The following PCM1 variants were observed in gnomAD, a reference collection of about 807,000 sequenced individuals.
PCM1 encodes the protein pericentriolar material 1.
In PCM1, 157 loss-of-function variants were observed where a neutral mutation model predicts 241.9. The ratio of observed to expected loss-of-function variants is 0.65; its 90% CI spans 0.57 to 0.74. PCM1 has a LOEUF of 0.74. PCM1 is among the 30% of genes least tolerant of loss of function. The pLI is 0.00. For synonymous variants in PCM1, 1,085 were observed against 784.9 expected (o/e 1.38, Z -6.39); for missense variants, 3,478 against 2,360.1 (o/e 1.47, Z -9.81).
intron 9 of PCM1, among the ~76,000 whole-genome samples, chr8:17,953,935 G>T (rs889633555): frequency 2.6e-5 from 4 of 152,158 alleles, no homozygotes. Flanking sequence ...AAAGATGAGG[G>T]ATTTAAAAAT....
intron 38 of PCM1, among the ~76,000 whole-genome samples, chr8:18,026,959 A>G (rs1315409566): frequency 6.6e-6 from 1 of 152,184 alleles, no homozygotes; most frequent in Non-Finnish European, 1.5e-5. Context: ...AATATCATTC[A>G]TTGTAGAGCC....
At chr8:17,939,082 A>AGGTTACGCACACAGGAATTTTAGTTG in intron 5 of PCM1, 73 bp downstream of exon 5, 5 of 1,486,668 alleles carry the variant, frequency 3.4e-6, no homozygotes, top group Non-Finnish European at 4.6e-6. Context: ...TTAGAAAATT[A>AGGTTACGCACACAGGAATTTTAGTTG]GGTTACGCAC....
intron 26 of PCM1, among the ~76,000 whole-genome samples, chr8:17,988,195 C>A (rs757329631): frequency 8.3e-6 from 1 of 120,642 alleles, no homozygotes; most frequent in Non-Finnish European, 2.0e-5. Flanking sequence ...TCAAGTCTTA[C>A]TTGAAACAGT....
intron 6 of PCM1, 38 bp from the exon 7 acceptor site, chr8:17,947,148 A>G (rs751004802): frequency 1.1e-5 from 15 of 1,357,204 alleles, no homozygotes; most frequent in Non-Finnish European, 1.4e-5. Context: ...CATGGATTTT[A>G]ATAGTCAGAT....
intron 1 of PCM1, among the ~76,000 whole-genome samples, chr8:17,923,992 T>G (rs1417710303): frequency 1.7e-4 from 17 of 99,472 alleles, no homozygotes; most frequent in Admixed American, 1.1e-3. Context: ...GGTTTAATTT[T>G]TTTTGTTTTG....
rs1586975450 is a variant in PCM1 at position 17,963,073 on chromosome 8, T to C, written c.2464-28T>C. 3.3e-6 allele frequency: 5 copies of C among 1,537,112 alleles called. No individual in the cohort carries two copies. In the East Asian group the frequency reaches 1.2e-4, roughly 36 times the overall value. On this transcript the variant is annotated intron_variant, in intron 16 of 38. Coordinates refer to ENST00000325083, the MANE Select transcript of PCM1 (RefSeq NM_006197.4). The stretch of plus-strand genomic sequence containing the variant: ...AGGCTACAGCAAATCCAAATATTTA[T>C]TTAACTCTGGTTTCTTAAAAAAAAT...
chr8:17,931,099 A>G (rs1239190767), intron 2 of PCM1, among the ~76,000 whole-genome samples: 2 of 152,120 alleles, frequency 1.3e-5, no homozygotes, highest in South Asian at 4.1e-4. Context: ...ATTTTGTTTT[A>G]AAAAATACTA....
rs370978091 is a variant in PCM1, at chr8:17,950,759, A to C, written c.1071+35A>C. The C allele has an allele frequency of 2.5e-4, 284 of 1,117,600 alleles. No homozygotes were observed. In the African/African-American group the frequency reaches 4.1e-3, roughly 16 times the overall value. 69.2% of individuals were successfully genotyped at this position (1,117,600 alleles called of 1,614,324 possible). A position where few individuals can be genotyped will look rare whatever the true frequency, so the allele number is the denominator to read the frequency against. ...ATGTTTTAGTATAGTTGAGTTTAAA[A>C]AATCACATTAATTAGAACAGTGATT... On this transcript the variant is annotated intron_variant, in intron 8 of 38. Coordinates refer to ENST00000325083, the MANE Select transcript of PCM1 (RefSeq NM_006197.4).
In PCM1 at chr8:17,963,123, A is replaced by G. The variant is rs1396936299; in HGVS notation, c.2486A>G (p.His829Arg). ...TAGTTGTGGTCAGAAATGAGAAGACATGAAATGTTGAGGGAGGAGCTGCGA... is the reference window on the plus strand; with the variant it reads ...TAGTTGTGGTCAGAAATGAGAAGACGTGAAATGTTGAGGGAGGAGCTGCGA... ...DNELWSEMRR[H>R]EMLREELRQR... Residue 829 changes from histidine to arginine, a missense_variant, in exon 17 of 39, where the codon CAT becomes CGT. Transcript: ENST00000325083. The G allele has an allele frequency of 1.2e-6, 2 of 1,611,468 alleles. No homozygotes were observed. The highest frequency in any genetic ancestry group is 1.7e-5 in the Admixed American group (1 of 59,570).
rs767163034 is a variant in PCM1 at position 18,027,638 on chromosome 8, A to G, written c.6051A>G (p.Glu2017=). 2 of 1,576,134 alleles carry G rather than the reference A, an allele frequency of 1.3e-6. No individual in the cohort carries two copies. Among genetic ancestry groups the G allele is most frequent in the Non-Finnish European group, 1.7e-6 (2 of 1,153,668 alleles). ...AAGCATTTTTATTCTGTTTTTCAGA[A>G]ACGGTGGGAGCCCAGAGTATATGAG... ...AGNSETLKEP[E]TVGAQSI is the part of the protein sequence containing the mutation. Residue 2017 remains glutamate, a splice_region_variant and synonymous_variant, in exon 39 of 39, where the codon GAA becomes GAG. Coordinates refer to ENST00000325083, the MANE Select transcript of PCM1 (RefSeq NM_006197.4).
At chr8:17,995,413 G>T (rs1160070011) in intron 29 of PCM1, among the ~76,000 whole-genome samples, 1 of 151,120 alleles carries the variant, frequency 6.6e-6, no homozygotes, top group East Asian at 1.9e-4. Context: ...GTTCTGTTCT[G>T]TCGGTCTGTG....
At chr8:18,009,464 A>T in intron 30 of PCM1, 83 bp from the exon 31 acceptor site, 1 of 849,572 alleles carries the variant, frequency 1.2e-6, no homozygotes, top group Non-Finnish European at 1.9e-6. Flanking sequence ...CATTAGTTTT[A>T]AGTTTTTCAG....
intron 36 of PCM1, among the ~76,000 whole-genome samples, chr8:18,020,631 G>GA (rs1341391223): frequency 3.9e-5 from 6 of 152,116 alleles, no homozygotes; most frequent in Non-Finnish European, 5.9e-5. Context: ...TGGATCCTAT[G>GA]AAAAAACTGT....
At chr8:17,991,796 C>T in intron 28 of PCM1, 96 bp downstream of exon 28, 2 of 864,252 alleles carry the variant, frequency 2.3e-6, no homozygotes, top group Non-Finnish European at 3.6e-6. Context: ...TTTTGGTGCA[C>T]CCATCGCCTG....
chr8:17,957,229 C>T (rs1243824929), intron 11 of PCM1, 35 bp from the exon 12 acceptor site: 6 of 1,523,970 alleles, frequency 3.9e-6, no homozygotes, highest in Admixed American at 4.3e-5. Context: ...TTTTTTTGTG[C>T]CTTAAATGAC....
chr8:17,945,093 T>C (rs919436614), intron 6 of PCM1, among the ~76,000 whole-genome samples: 1 of 152,148 alleles, frequency 6.6e-6, no homozygotes, highest in Non-Finnish European at 1.5e-5. Context: ...TTTGATTTGG[T>C]TTTACATTTT....
chr8:18,014,975 C>A, intron 36 of PCM1, 135 bp downstream of exon 36: 1 of 727,676 alleles, frequency 1.4e-6, no homozygotes, highest in Non-Finnish European at 2.2e-6. Flanking sequence ...TTTTCTAATT[C>A]ACACTTTAAC....
At chr8:18,021,976 A>G (rs1384910507) in intron 36 of PCM1, among the ~76,000 whole-genome samples, 1 of 152,176 alleles carries the variant, frequency 6.6e-6, no homozygotes, top group Non-Finnish European at 1.5e-5. Context: ...ACCAGTGATG[A>G]TCTATGACTG....
At chr8:17,937,789 A>C (rs748901793) in intron 4 of PCM1, among the ~76,000 whole-genome samples, 5 of 152,148 alleles carry the variant, frequency 3.3e-5, no homozygotes, top group Non-Finnish European at 7.4e-5. Context: ...TAATCACCAA[A>C]ATAAAGTTTA....
Sources: allele counts gnomAD v4.1 joint callset (sites outside exome capture counted in the v4.1 genomes callset), GRCh38; gene constraint gnomAD v4.1.1; transcripts MANE v1.5; gene names NCBI Gene and HGNC (gene_info 2026-07-23, HGNC 2026-07-21).